The following GDPD5 variants were observed in gnomAD, a reference collection of about 807,000 sequenced individuals.
GDPD5 encodes glycerophosphodiester phosphodiesterase 2.
In GDPD5, 48 loss-of-function variants were observed where a neutral mutation model predicts 75.1. The ratio of observed to expected loss-of-function variants is 0.64; its 90% CI spans 0.51 to 0.81. The LOEUF (loss-of-function observed/expected upper bound fraction) is 0.81. Ranked by LOEUF, GDPD5 falls within the 40% of genes least tolerant of loss-of-function variation. The pLI is 0.00. For synonymous variants in GDPD5, 336 were observed against 339.0 expected, an observed-to-expected ratio of 0.99 and a Z score of 0.10; for missense variants, 706 against 822.6, an observed-to-expected ratio of 0.86 and a Z score of 1.73.
chr11:75,508,824 G>A (rs1279909591), intron 1 of GDPD5: 1 of 152,316 alleles, frequency 6.6e-6, no homozygotes, highest in African/African-American at 2.4e-5. Flanking sequence ...CAAGGGCACT[G>A]AGAGGGACCC....
intron 3 of GDPD5, among the ~76,000 whole-genome samples, chr11:75,465,820 G>C (rs1949503431): frequency 2.0e-5 from 3 of 152,206 alleles, no homozygotes; most frequent in East Asian, 1.9e-4. Context: ...CCTCGGCCTA[G>C]GATGGGTCTG....
chr11:75,452,577 T>C lies in GDPD5; in HGVS notation c.376-2594A>G, dbSNP rs562124948. 1.9e-3 allele frequency among the ~76,000 whole-genome samples: 289 copies of C among 152,322 alleles called. 3 individuals carry two copies. In the South Asian group the frequency reaches 0.021, roughly 11 times the overall value. ...CAATAAAGGATGGTTACTGCTGTTA[T>C]GGTGAACGCAGTGCCTGGCACACAC... On this transcript the variant is annotated intron_variant, in intron 6 of 16. Transcript: ENST00000336898.
intron 1 of GDPD5, among the ~76,000 whole-genome samples, chr11:75,507,572 T>G (rs1219000780): frequency 1.3e-5 from 2 of 152,236 alleles, no homozygotes; most frequent in Non-Finnish European, 2.9e-5. Context: ...AGACCGGGGT[T>G]CTTAAGGCAG....
intron 3 of GDPD5, among the ~76,000 whole-genome samples, chr11:75,468,052 A>G (rs942201504): frequency 8.5e-5 from 13 of 152,158 alleles, no homozygotes; most frequent in Non-Finnish European, 7.3e-5. Flanking sequence ...AGCCCCACAC[A>G]GGAAGCATGG....
chr11:75,523,927 G>A (rs949305126), intron 1 of GDPD5, among the ~76,000 whole-genome samples: 1 of 152,174 alleles, frequency 6.6e-6, no homozygotes, highest in Non-Finnish European at 1.5e-5. Context: ...AGGGAGTTGG[G>A]CATCTCTAGG....
chr11:75,469,655 C>A (rs1418937341), intron 3 of GDPD5, among the ~76,000 whole-genome samples: 1 of 152,164 alleles, frequency 6.6e-6, no homozygotes, highest in Non-Finnish European at 1.5e-5. Flanking sequence ...AACTAAGATG[C>A]CAGAGATTAT....
At chr11:75,451,103 AGAC>A (rs1294461403) in intron 6 of GDPD5, 1 of 152,252 alleles carries the variant, frequency 6.6e-6, no homozygotes, top group African/African-American at 2.4e-5. Context: ...TGGCATTTCT[AGAC>A]GATGAGGGTG....
intron 15 of GDPD5, chr11:75,439,490 G>A (rs1948726685): frequency 5.0e-6 from 2 of 403,054 alleles, no homozygotes; most frequent in African/African-American, 2.1e-5. Context: ...TGGCTGGGTG[G>A]GGGCCCCAGG....
At chr11:75,440,809 C>T (rs1182812283) in intron 14 of GDPD5, among the ~76,000 whole-genome samples, 1 of 152,184 alleles carries the variant, frequency 6.6e-6, no homozygotes, top group Non-Finnish European at 1.5e-5. Context: ...CATCCTGCCT[C>T]TGCTTCCCAA....
At chr11:75,518,876 AT>A (rs924360719) in intron 1 of GDPD5, among the ~76,000 whole-genome samples, 1 of 151,824 alleles carries the variant, frequency 6.6e-6, no homozygotes, top group Non-Finnish European at 1.5e-5. Context: ...TCTTCGTGGC[AT>A]TTTTTTTAAA....
At chr11:75,459,438 G>T (rs919906189) in intron 4 of GDPD5, among the ~76,000 whole-genome samples, 1 of 151,536 alleles carries the variant, frequency 6.6e-6, no homozygotes, top group Non-Finnish European at 1.5e-5. Flanking sequence ...CCAGTACCTG[G>T]GACTATAGGC....
intron 4 of GDPD5, among the ~76,000 whole-genome samples, chr11:75,461,562 C>CCCAAATGCTAACATCATGCTG (rs1346689331): frequency 6.6e-6 from 1 of 152,218 alleles, no homozygotes; most frequent in Non-Finnish European, 1.5e-5. Flanking sequence ...TCCTGAAAAT[C>CCCAAATGCTAACATCATGCTG]CCAAATGCTA....
intron 3 of GDPD5, among the ~76,000 whole-genome samples, chr11:75,469,037 T>C (rs186811199): frequency 2.2e-4 from 33 of 152,330 alleles, no homozygotes; most frequent in African/African-American, 7.9e-4. Flanking sequence ...CTGACAGCCC[T>C]TTAATTATGT....
At chr11:75,455,931 C>A (rs1461054026) in intron 6 of GDPD5, among the ~76,000 whole-genome samples, 2 of 152,220 alleles carry the variant, frequency 1.3e-5, no homozygotes, top group Non-Finnish European at 2.9e-5. Flanking sequence ...GAGGTTAACT[C>A]TGGCCTGCAA....
intron 4 of GDPD5, among the ~76,000 whole-genome samples, chr11:75,461,898 G>A (rs1949422603): frequency 6.6e-6 from 1 of 152,166 alleles, no homozygotes; most frequent in Non-Finnish European, 1.5e-5. Flanking sequence ...CTGGGTCCTT[G>A]CCCTCCTCCC....
At chr11:75,504,729 T>C (rs183093272) in intron 1 of GDPD5, among the ~76,000 whole-genome samples, 2 of 152,244 alleles carry the variant, frequency 1.3e-5, no homozygotes, top group African/African-American at 4.8e-5. Flanking sequence ...GCTCTGGAGA[T>C]CTGTTGCACA....
At chr11:75,524,280 C>T (rs1172298020) in intron 1 of GDPD5, among the ~76,000 whole-genome samples, 1 of 152,232 alleles carries the variant, frequency 6.6e-6, no homozygotes, top group Non-Finnish European at 1.5e-5. Flanking sequence ...GCCCCAGCAA[C>T]CAACCACACT....
chr11:75,469,099 T>A (rs989202482), intron 3 of GDPD5, among the ~76,000 whole-genome samples: 1 of 152,230 alleles, frequency 6.6e-6, no homozygotes, highest in African/African-American at 2.4e-5. Context: ...TCTCTCCAGC[T>A]GCTGAGGACA....
intron 3 of GDPD5, among the ~76,000 whole-genome samples, chr11:75,473,163 G>A (rs1949705432): frequency 6.6e-6 from 1 of 152,072 alleles, no homozygotes; most frequent in Non-Finnish European, 1.5e-5. Flanking sequence ...CCTACACCGA[G>A]TGTCTTCCTG....
Sources: gnomAD v4.1 joint callset for allele counts (sites outside exome capture counted in the v4.1 genomes callset) on GRCh38, gnomAD v4.1.1 for gene constraint, MANE v1.5 for transcripts, NCBI Gene and HGNC (gene_info 2026-07-23, HGNC 2026-07-21) for gene names.